Variants in CACNG4 observed in about 807,000 individuals in gnomAD.
CACNG4 encodes voltage-dependent calcium channel gamma-4 subunit.
CACNG4 carries 8 observed loss-of-function variants against 22.9 expected under a neutral mutation model. The ratio of observed to expected loss-of-function variants is 0.35; its 90% confidence interval spans 0.21 to 0.63. CACNG4 has a LOEUF of 0.63. Ranked by LOEUF, CACNG4 falls within the 30% of genes least tolerant of loss-of-function variation. The probability of loss-of-function intolerance (pLI) is 0.72; values close to 1 mark genes in which losing one functional copy is unlikely to be tolerated. For missense variants in CACNG4, 357 were observed against 455.4 expected (o/e 0.78, Z 1.97); for synonymous variants, 188 against 191.9 (o/e 0.98, Z 0.17).
At chr17:66,991,983 ACT>A (rs2035342906) in intron 1 of CACNG4, among the ~76,000 whole-genome samples, 1 of 151,354 alleles carries the variant, frequency 6.6e-6, no homozygotes, top group Admixed American at 6.6e-5. Flanking sequence ...CACCCAACTC[ACT>A]CTGTCCATCC....
chr17:66,972,912 T>G (rs1252964106), intron 1 of CACNG4, among the ~76,000 whole-genome samples: 1 of 146,182 alleles, frequency 6.8e-6, no homozygotes, highest in East Asian at 2.1e-4. Flanking sequence ...GGTGACAGAG[T>G]GAGACTCTGT....
chr17:66,965,193 CA>C, intron 1 of CACNG4, 62 bp downstream of exon 1: 1 of 949,568 alleles, frequency 1.1e-6, no homozygotes, highest in Non-Finnish European at 1.5e-6. Context: ...CACATATACA[CA>C]CGCGCGCGCG....
At chr17:67,017,611 G>A (rs28707461) in intron 1 of CACNG4, among the ~76,000 whole-genome samples, 32,576 of 151,634 alleles carry the variant, frequency 0.21, 3,716 homozygotes, top group South Asian at 0.34. Context: ...TCTGCCTCCC[G>A]GGTTCAAGCA....
chr17:66,968,022 G>A (rs2035180766), intron 1 of CACNG4, among the ~76,000 whole-genome samples: 1 of 152,190 alleles, frequency 6.6e-6, no homozygotes, highest in African/African-American at 2.4e-5. Context: ...ATACTCAAGT[G>A]TGCAGAGCCT....
At chr17:66,973,909 C>G (rs368347072) in intron 1 of CACNG4, among the ~76,000 whole-genome samples, 1 of 152,176 alleles carries the variant, frequency 6.6e-6, no homozygotes, top group African/African-American at 2.4e-5. Flanking sequence ...AAGTGCTGCG[C>G]GAGACTCTCT....
chr17:66,974,890 C>T (rs148453391), intron 1 of CACNG4, among the ~76,000 whole-genome samples: 2 of 152,244 alleles, frequency 1.3e-5, no homozygotes, highest in East Asian at 3.9e-4. Context: ...CATCAGATGG[C>T]TTTGCGGTGC....
In CACNG4 at chr17:67,027,111, C is replaced by T. The variant is rs770711950; in HGVS notation, c.445+2111C>T. Among the ~76,000 whole-genome samples, 1 of 152,216 alleles carries T rather than the reference C, an allele frequency of 6.6e-6. No individual in the cohort carries two copies. Among genetic ancestry groups the T allele is most frequent in the African/African-American group, 2.4e-5 (1 of 41,456 alleles). On this transcript the variant is annotated intron_variant, in intron 3 of 3. Coordinates refer to ENST00000262138, the MANE Select transcript of CACNG4 (RefSeq NM_014405.4). The surrounding 1 kb of genome is among the most constrained non-coding windows in gnomAD (Gnocchi z 4.3). Reference sequence around the variant, plus strand: ...GAGCCCAACCCCACCATCCCTGCTCCTGCGGAGGAGGCACACAGGCGGTCC... The same window carrying T: ...GAGCCCAACCCCACCATCCCTGCTCTTGCGGAGGAGGCACACAGGCGGTCC...
intron 1 of CACNG4, among the ~76,000 whole-genome samples, chr17:66,987,465 A>G (rs2035311705): frequency 6.6e-6 from 1 of 152,168 alleles, no homozygotes; most frequent in Non-Finnish European, 1.5e-5. Flanking sequence ...ATCCAGGAAA[A>G]CAGAAACCAC....
intron 1 of CACNG4, among the ~76,000 whole-genome samples, chr17:67,013,095 T>C (rs930706245): frequency 6.6e-6 from 1 of 152,134 alleles, no homozygotes; most frequent in Non-Finnish European, 1.5e-5. Flanking sequence ...TTGCCTGGAC[T>C]CTTCCAATGT....
At chr17:67,013,030 CA>C (rs1396674703) in intron 1 of CACNG4, among the ~76,000 whole-genome samples, 2 of 152,214 alleles carry the variant, frequency 1.3e-5, no homozygotes, top group Non-Finnish European at 2.9e-5. Context: ...TCAGGTGGCC[CA>C]TATGGAGGCT....
chr17:66,968,046 G>A (rs1302015703), intron 1 of CACNG4, among the ~76,000 whole-genome samples: 5 of 152,144 alleles, frequency 3.3e-5, no homozygotes, highest in East Asian at 1.9e-4. Context: ...GCACATTACC[G>A]CGTGGCCTGC....
In CACNG4 at chr17:66,997,588, G is replaced by A. The variant is rs745953098; in HGVS notation, c.221-20601G>A. ...TCCCAGCACTTTTGGAGGCTGAGGC[G>A]GGCAGATCACTTGAGGTCAGGAGTT... On this transcript the variant is annotated intron_variant, in intron 1 of 3. Coordinates refer to ENST00000262138, the MANE Select transcript of CACNG4 (RefSeq NM_014405.4). Among the ~76,000 whole-genome samples the A allele has an allele frequency of 7.2e-5, 11 of 152,254 alleles. 1 individual carries two copies. The highest frequency in any genetic ancestry group is 6.8e-3 in the Middle Eastern group (2 of 294).
chr17:66,982,337 TAC>T (rs1193507998), intron 1 of CACNG4, among the ~76,000 whole-genome samples: 1 of 152,206 alleles, frequency 6.6e-6, no homozygotes, highest in Admixed American at 6.5e-5. Context: ...TGATCTATTT[TAC>T]AGAGTGCTGA....
intron 1 of CACNG4, among the ~76,000 whole-genome samples, chr17:66,975,874 C>T (rs1383499669): frequency 6.6e-6 from 1 of 152,248 alleles, no homozygotes; most frequent in Non-Finnish European, 1.5e-5. Flanking sequence ...CTGGGGATGG[C>T]AGCCACCCAG....
intron 1 of CACNG4, among the ~76,000 whole-genome samples, chr17:66,998,222 G>C (rs1397740337): frequency 1.3e-5 from 2 of 152,048 alleles, no homozygotes; most frequent in African/African-American, 2.4e-5. Flanking sequence ...GACCACTGGA[G>C]ATCTTTTTTA....
chr17:66,994,746 G>A (rs2035363581), intron 1 of CACNG4, among the ~76,000 whole-genome samples: 1 of 152,232 alleles, frequency 6.6e-6, no homozygotes, highest in African/African-American at 2.4e-5. Context: ...ATTCACTGAT[G>A]TAACAGCAAC....
In CACNG4 at chr17:66,998,900, A is replaced by T. The variant is rs565018360; in HGVS notation, c.221-19289A>T. On this transcript the variant is annotated intron_variant, in intron 1 of 3. Coordinates refer to ENST00000262138, the MANE Select transcript of CACNG4 (RefSeq NM_014405.4). ...CTGGTGAAGGGGAGATGCTCCTGAG[A>T]TGGTCCGGGAGCTCAAAGAACATCC... is the stretch of plus-strand genomic sequence containing the variant. 2.6e-5 allele frequency among the ~76,000 whole-genome samples: 4 copies of T among 152,348 alleles called. No homozygotes were observed. The South Asian group carries it at 8.3e-4, about 32-fold the overall frequency.
At chr17:67,000,713 G>C (rs1367542871) in intron 1 of CACNG4, among the ~76,000 whole-genome samples, 8 of 152,168 alleles carry the variant, frequency 5.3e-5, no homozygotes, top group Non-Finnish European at 1.5e-5. Flanking sequence ...CCCTAAGCCA[G>C]GACTGCTTTC....
chr17:66,988,615 A>G (rs1262781936), intron 1 of CACNG4, among the ~76,000 whole-genome samples: 3 of 152,048 alleles, frequency 2.0e-5, no homozygotes, highest in Non-Finnish European at 4.4e-5. Context: ...CGGTTGCAAC[A>G]GAGCAGCTCA....
Sources: allele counts gnomAD v4.1 joint callset (sites outside exome capture counted in the v4.1 genomes callset), GRCh38; gene constraint gnomAD v4.1.1; non-coding constraint Gnocchi (gnomAD v3.1); transcripts MANE v1.5; gene names NCBI Gene and HGNC (gene_info 2026-07-23, HGNC 2026-07-21).